The following RTN3 variants were observed in gnomAD, a reference collection of about 807,000 sequenced individuals.
The protein encoded by RTN3 is reticulon-3.
Under a neutral mutation model 77.8 loss-of-function variants are expected in RTN3, and 49 were observed. The observed-to-expected ratio is 0.63, with a 90% CI of 0.50 to 0.80. The LOEUF is 0.80. Ranked by LOEUF, RTN3 falls within the 30% of genes least tolerant of loss-of-function variation. The pLI, the probability that RTN3 is intolerant of heterozygous loss-of-function variation, is 0.00. For synonymous variants in RTN3, 464 were observed against 446.9 expected, an observed-to-expected ratio of 1.04 and a Z score of -0.48; for missense variants, 1,236 against 1,211.9, an observed-to-expected ratio of 1.02 and a Z score of -0.29.
Position 63,700,282 on chromosome 11 carries a change from C to CTTTTTT in RTN3, c.143-4563_143-4558dup, listed in dbSNP as rs753369954. On this transcript the variant is annotated intron_variant, in intron 1 of 8. Coordinates refer to ENST00000377819, the MANE Select transcript of RTN3 (RefSeq NM_001265589.2). ...GAGATAGGAAAACATGATTCTTTTA[C>CTTTTTT]TTTTTTTTTTTAAGGTAAGGTCTCA... Among the ~76,000 whole-genome samples, 5 of 133,438 alleles carry CTTTTTT rather than the reference C, an allele frequency of 3.7e-5. 1 individual carries two copies. The highest frequency in any genetic ancestry group is 7.9e-5 in the Admixed American group (1 of 12,588). The allele number at this position is 133,438 out of a possible 152,430, so 87.5% of individuals were successfully genotyped here. A position where few individuals can be genotyped will look rare whatever the true frequency, so the allele number is the denominator to read the frequency against.
intron 1 of RTN3, among the ~76,000 whole-genome samples, chr11:63,693,948 C>A (rs1941798151): frequency 6.6e-6 from 1 of 151,908 alleles, no homozygotes; most frequent in Non-Finnish European, 1.5e-5. Flanking sequence ...ATAATGAAAC[C>A]CCATCTCTAC....
intron 1 of RTN3, among the ~76,000 whole-genome samples, chr11:63,685,244 C>G: frequency 6.6e-6 from 1 of 151,702 alleles, no homozygotes; most frequent in Non-Finnish European, 1.5e-5. Context: ...CCTGTAATCC[C>G]AACACTTTGG....
intron 1 of RTN3, among the ~76,000 whole-genome samples, chr11:63,689,562 A>G (rs147197453): frequency 2.0e-5 from 3 of 151,750 alleles, no homozygotes; most frequent in East Asian, 3.9e-4. Context: ...CATTTTACGT[A>G]TGGGAGAAGA....
At chr11:63,721,532 G>A (rs980399494) in intron 3 of RTN3, among the ~76,000 whole-genome samples, 7 of 146,402 alleles carry the variant, frequency 4.8e-5, no homozygotes, top group Admixed American at 1.4e-4. Context: ...ATGAGATCGC[G>A]CCAGTACACT....
At chr11:63,687,992 A>C (rs898105974) in intron 1 of RTN3, among the ~76,000 whole-genome samples, 1 of 152,200 alleles carries the variant, frequency 6.6e-6, no homozygotes, top group Non-Finnish European at 1.5e-5. Flanking sequence ...TGGTCTGTTA[A>C]AGAGGTAGAG....
At chr11:63,716,544 G>A (rs491030) in intron 2 of RTN3, among the ~76,000 whole-genome samples, 2,708 of 152,322 alleles carry the variant, frequency 0.018, 85 homozygotes, top group African/African-American at 0.06. Flanking sequence ...GAAAGACAGC[G>A]CCCAGGGTGG....
intron 3 of RTN3, among the ~76,000 whole-genome samples, chr11:63,721,877 G>A (rs1200608181): frequency 6.6e-6 from 1 of 152,172 alleles, no homozygotes; most frequent in Non-Finnish European, 1.5e-5. Flanking sequence ...TGCTCTGAAA[G>A]TAGGTAACCA....
intron 2 of RTN3, among the ~76,000 whole-genome samples, chr11:63,717,771 T>C (rs2011492021): frequency 6.6e-6 from 1 of 151,674 alleles, no homozygotes; most frequent in South Asian, 2.1e-4. Flanking sequence ...CCCAGCACTT[T>C]GGGAGGCCAA....
rs1360567746 is a variant in RTN3 at position 63,681,549 on chromosome 11, G to C, written c.-88G>C. 1 of 1,355,950 alleles carries C rather than the reference G, an allele frequency of 7.4e-7. No individual in the cohort carries two copies. Among genetic ancestry groups the C allele is most frequent in the Admixed American group, 2.4e-5 (1 of 41,026 alleles). 84.0% of individuals were successfully genotyped at this position (1,355,950 alleles called of 1,614,324 possible). A position where few individuals can be genotyped will look rare whatever the true frequency, so the allele number is the denominator to read the frequency against. On this transcript the variant is annotated 5_prime_UTR_variant, in exon 1 of 9. Transcript: ENST00000377819. ...GCAGGCGGAGTAAAGGGACTTGAGC[G>C]AGCCAGTTGCCGGATTATTCTATTT...
intron 1 of RTN3, among the ~76,000 whole-genome samples, chr11:63,703,136 T>A (rs1206279617): frequency 1.3e-5 from 2 of 152,180 alleles, no homozygotes; most frequent in African/African-American, 4.8e-5. Flanking sequence ...ACACAATTTT[T>A]AAAAACAATA....
intron 3 of RTN3, among the ~76,000 whole-genome samples, chr11:63,729,035 G>GA (rs960717131): frequency 1.5e-4 from 22 of 150,840 alleles, no homozygotes; most frequent in African/African-American, 1.5e-4. Context: ...GCCCAACAGG[G>GA]AAAAAAAACC....
intron 3 of RTN3, among the ~76,000 whole-genome samples, chr11:63,726,943 A>G (rs1354963348): frequency 6.6e-6 from 1 of 151,682 alleles, no homozygotes; most frequent in Non-Finnish European, 1.5e-5. Flanking sequence ...TAATCCCAGT[A>G]CTTCAGGAGG....
At position 63,720,626 on chromosome 11, in the gene RTN3, C is replaced by A. The variant is rs773178728; in HGVS notation, c.2124C>A (p.Ser708Arg). Residue 708 changes from serine (S) to arginine (R), a missense_variant, in exon 3 of 9, where the codon AGC becomes AGA. Physicochemically the swap from Ser to Arg is moderately radical, Grantham distance 110. This residue lies in a region of RTN3 where 1,056 missense variants were observed against 990.4 expected (regional missense o/e 1.07). Transcript: ENST00000377819. ...GTTCTGAAATTAAAGACATTGGAAGCAAATACAGTGAACAAAGCAAAGAAA... is the reference window on the plus strand; with the variant it reads ...GTTCTGAAATTAAAGACATTGGAAGAAAATACAGTGAACAAAGCAAAGAAA... ...SGGSEIKDIG[S>R]KYSEQSKETN... The A allele has an allele frequency of 2.0e-5, 32 of 1,613,928 alleles. 1 individual carries two copies. In the South Asian group the frequency reaches 3.4e-4, roughly 17 times the overall value.
intron 2 of RTN3, among the ~76,000 whole-genome samples, chr11:63,717,534 C>G (rs1387929454): frequency 6.6e-6 from 1 of 151,428 alleles, no homozygotes; most frequent in Non-Finnish European, 1.5e-5. Flanking sequence ...ATTACAGGTG[C>G]CTGCCACCAC....
At chr11:63,730,962 C>G (rs2012648339) in intron 3 of RTN3, among the ~76,000 whole-genome samples, 1 of 152,198 alleles carries the variant, frequency 6.6e-6, no homozygotes, top group African/African-American at 2.4e-5. Flanking sequence ...TTATAGAACA[C>G]TACTCCCTAC....
At chr11:63,736,172 A>G (rs762532909) in intron 3 of RTN3, among the ~76,000 whole-genome samples, 2 of 152,044 alleles carry the variant, frequency 1.3e-5, no homozygotes, top group Non-Finnish European at 2.9e-5. Flanking sequence ...TTGTGGAATG[A>G]GATACCCACT....
At chr11:63,741,127 C>T (rs1405834678) in intron 3 of RTN3, among the ~76,000 whole-genome samples, 1 of 151,976 alleles carries the variant, frequency 6.6e-6, no homozygotes, top group African/African-American at 2.4e-5. Context: ...AGGTAGGGAT[C>T]CATGGCCAAG....
intron 1 of RTN3, among the ~76,000 whole-genome samples, chr11:63,692,710 G>A (rs954203869): frequency 1.5e-4 from 23 of 151,690 alleles, no homozygotes; most frequent in African/African-American, 4.8e-4. Flanking sequence ...GCAATAAGCC[G>A]AGATCATGCC....
chr11:63,734,781 A>ACACACACACACACACC (rs778043704), intron 3 of RTN3, among the ~76,000 whole-genome samples: 3 of 105,000 alleles, frequency 2.9e-5, no homozygotes, highest in East Asian at 2.5e-4. Context: ...ACACACACAC[A>ACACACACACACACACC]CCATACTGGA....
Sources: gnomAD v4.1 joint callset for allele counts (sites outside exome capture counted in the v4.1 genomes callset) on GRCh38, gnomAD v4.1.1 for gene constraint, gnomAD v4.1.1 regional missense constraint, MANE v1.5 for transcripts, NCBI Gene and HGNC (gene_info 2026-07-23, HGNC 2026-07-21) for gene names.